Variants in TENM2 observed in about 807,000 individuals in gnomAD.
TENM2 encodes the protein teneurin transmembrane protein 2.
In TENM2, 52 loss-of-function variants were observed where a neutral mutation model predicts 245.2. That is an observed-to-expected ratio of 0.21 (90% CI 0.17 to 0.27). The LOEUF (loss-of-function observed/expected upper bound fraction) is 0.27, where lower values mean the gene tolerates loss of function less well. Among genes scored for constraint, TENM2 ranks in the 10% least tolerant of loss-of-function variants. TENM2 has a pLI of 1.00. For synonymous variants in TENM2, 1,363 were observed against 1,438.9 expected (o/e 0.95, Z 1.19); for missense variants, 3,046 against 3,666.8 (o/e 0.83, Z 4.37).
intron 4 of TENM2, among the ~76,000 whole-genome samples, chr5:167,977,275 A>G (rs148547254): frequency 4.0e-4 from 61 of 152,266 alleles, no homozygotes; most frequent in African/African-American, 1.4e-3. Context: ...AACCCCCATG[A>G]CACGAGTTTA....
intron 2 of TENM2, among the ~76,000 whole-genome samples, chr5:167,448,258 T>C (rs984021447): frequency 4.1e-4 from 63 of 152,170 alleles, no homozygotes; most frequent in African/African-American, 1.5e-3. Flanking sequence ...GGGGAGTTAG[T>C]GCCAGGGCAA....
At chr5:167,580,949 G>A (rs952821331) in intron 2 of TENM2, among the ~76,000 whole-genome samples, 3 of 152,112 alleles carry the variant, frequency 2.0e-5, no homozygotes, top group Non-Finnish European at 4.4e-5. Flanking sequence ...AGATCGTGCC[G>A]CTGCACTCCA....
chr5:167,724,550 G>A (rs947013477), intron 2 of TENM2, among the ~76,000 whole-genome samples: 5 of 152,138 alleles, frequency 3.3e-5, no homozygotes, highest in Non-Finnish European at 7.4e-5. Context: ...CAGTAGAGTA[G>A]GAAGGAGATG....
intron 3 of TENM2, among the ~76,000 whole-genome samples, chr5:167,876,422 A>G (rs1442960095): frequency 6.6e-6 from 1 of 152,180 alleles, no homozygotes; most frequent in Non-Finnish European, 1.5e-5. Context: ...GGCCTCCTTC[A>G]GTGGAAGGCA....
At chr5:167,737,586 A>G (rs925586757) in intron 2 of TENM2, among the ~76,000 whole-genome samples, 1 of 152,180 alleles carries the variant, frequency 6.6e-6, no homozygotes, top group African/African-American at 2.4e-5. Context: ...TGGGGTATGC[A>G]GCCCTCTGGA....
intron 2 of TENM2, among the ~76,000 whole-genome samples, chr5:167,509,930 ATATCATAG>A (rs1471915799): frequency 2.6e-5 from 4 of 152,208 alleles, no homozygotes; most frequent in Middle Eastern, 3.2e-3. Context: ...ATAGAACAAT[ATATCATAG>A]TTAAACCTAA....
intron 2 of TENM2, among the ~76,000 whole-genome samples, chr5:167,802,100 CT>C (rs1180322795): frequency 6.6e-6 from 1 of 152,090 alleles, no homozygotes; most frequent in African/African-American, 2.4e-5. Context: ...GAACAAACAG[CT>C]CTCTTATATC....
intron 1 of TENM2, among the ~76,000 whole-genome samples, chr5:167,312,320 G>A (rs1756083044): frequency 6.6e-6 from 1 of 152,100 alleles, no homozygotes; most frequent in Admixed American, 6.5e-5. Context: ...TTTTAATCAG[G>A]TGACCATTAG....
chr5:168,113,179 G>A (rs772241107), intron 9 of TENM2, among the ~76,000 whole-genome samples: 1 of 152,002 alleles, frequency 6.6e-6, no homozygotes, highest in African/African-American at 2.4e-5. Flanking sequence ...AATTAGCTGG[G>A]CATGGTGGTG....
intron 2 of TENM2, among the ~76,000 whole-genome samples, chr5:167,730,576 C>G (rs1405214070): frequency 6.6e-6 from 1 of 152,186 alleles, no homozygotes; most frequent in African/African-American, 2.4e-5. Context: ...CCCTCCCACT[C>G]TACTCCCCCG....
intron 12 of TENM2, among the ~76,000 whole-genome samples, chr5:168,162,228 T>C (rs995887044): frequency 6.6e-6 from 1 of 152,170 alleles, no homozygotes; most frequent in African/African-American, 2.4e-5. Flanking sequence ...AGAAGAGCAC[T>C]TCTTAAAAAA....
intron 12 of TENM2, among the ~76,000 whole-genome samples, chr5:168,159,567 G>A (rs778291014): frequency 6.6e-6 from 1 of 152,180 alleles, no homozygotes; most frequent in Admixed American, 6.5e-5. Context: ...AAACACAAAG[G>A]ATCACTTCCT....
At position 168,199,847 on chromosome 5, in the gene TENM2, A is replaced by G. The variant is rs1304519988; in HGVS notation, c.3163-17A>G. ...GGTGTGTTTTAGGTGTGTGTCTGCC[A>G]TGTGTTTCCTCTCCAGGTTCTTCAT... On this transcript the variant is annotated splice_polypyrimidine_tract_variant and intron_variant, in intron 16 of 28. Transcript: ENST00000518659. 6.2e-7 allele frequency: 1 copy of G among 1,611,138 alleles called. No homozygotes were observed. Among genetic ancestry groups the G allele is most frequent in the African/African-American group, 1.3e-5 (1 of 74,992 alleles).
chr5:167,754,702 T>G (rs1423392440), intron 2 of TENM2, among the ~76,000 whole-genome samples: 1 of 139,510 alleles, frequency 7.2e-6, no homozygotes, highest in Non-Finnish European at 1.5e-5. Context: ...CACATGCACA[T>G]GAACAAACCT....
the TENM2 span, among the ~76,000 whole-genome samples, chr5:167,165,912 T>C: frequency 2.0e-5 from 3 of 152,190 alleles, no homozygotes; most frequent in East Asian, 1.9e-4. Context: ...GGTACTGACA[T>C]TGGGCTACAT....
chr5:168,218,083 T>C lies in TENM2; in HGVS notation c.4234-42T>C. ...GTGCCGTACGGTTAAACGTTGGACA[T>C]ATTAAAGGCTGTTCTTTAATCTGAT... On this transcript the variant is annotated intron_variant, in intron 22 of 28. Coordinates refer to ENST00000518659, the Ensembl canonical transcript of TENM2. This position sits in a 1 kb window ranked among gnomAD's most constrained non-coding sequence, Gnocchi z 5.2. The C allele has an allele frequency of 6.3e-7, 1 of 1,586,252 alleles. No individual in the cohort carries two copies.
At chr5:167,302,941 G>A (rs1269017239) in intron 1 of TENM2, among the ~76,000 whole-genome samples, 2 of 152,120 alleles carry the variant, frequency 1.3e-5, no homozygotes, top group East Asian at 1.9e-4. Context: ...TCCCGAGTCC[G>A]TGAGCAGTGC....
chr5:167,220,428 A>G, the TENM2 span, among the ~76,000 whole-genome samples: 1 of 152,202 alleles, frequency 6.6e-6, no homozygotes, highest in Non-Finnish European at 1.5e-5. Context: ...ATTTTAAATT[A>G]TTTTAAACTG....
At chr5:167,424,658 TA>T (rs1763704224) in intron 2 of TENM2, among the ~76,000 whole-genome samples, 1 of 152,160 alleles carries the variant, frequency 6.6e-6, no homozygotes, top group African/African-American at 2.4e-5. Context: ...AGGCTCTTAA[TA>T]TTCCCCCCAG....
Sources: gnomAD v4.1 joint callset for allele counts (sites outside exome capture counted in the v4.1 genomes callset) on GRCh38, gnomAD v4.1.1 for gene constraint, Gnocchi (gnomAD v3.1) non-coding constraint, MANE v1.5 for transcripts, NCBI Gene and HGNC (gene_info 2026-07-23, HGNC 2026-07-21) for gene names.